The following LUZP2 variants were observed in gnomAD, a reference collection of about 807,000 sequenced individuals.
The protein encoded by LUZP2 is leucine zipper protein 2.
In LUZP2, 52 loss-of-function variants were observed where a neutral mutation model predicts 51.6. The observed-to-expected ratio is 1.01, with a 90% CI of 0.81 to 1.27. The LOEUF (loss-of-function observed/expected upper bound fraction) is 1.27, where lower values mean the gene tolerates loss of function less well. LUZP2 is among the 50% of genes most tolerant of loss of function. The pLI is 0.00. For missense variants in LUZP2, 436 were observed against 395.4 expected, an observed-to-expected ratio of 1.10 and a Z score of -0.87; for synonymous variants, 154 against 137.3, an observed-to-expected ratio of 1.12 and a Z score of -0.85.
chr11:24,642,380 G>A (rs1855319629), intron 1 of LUZP2, among the ~76,000 whole-genome samples: 1 of 151,234 alleles, frequency 6.6e-6, no homozygotes, highest in African/African-American at 2.4e-5. Flanking sequence ...CAAATTCATT[G>A]TATCATGTGT....
rs1020584082 is a variant in LUZP2, at chr11:24,564,661, T to A, written c.62+67356T>A. Among the ~76,000 whole-genome samples, 4 of 152,266 alleles carry A rather than the reference T, an allele frequency of 2.6e-5. No individual in the cohort carries two copies. In the East Asian group the frequency reaches 7.7e-4, roughly 29 times the overall value. On this transcript the variant is annotated intron_variant, in intron 1 of 11. Coordinates refer to ENST00000336930, the MANE Select transcript of LUZP2 (RefSeq NM_001009909.4). ...TCAGTCTCATTTATCTAGAAGCTAC[T>A]GTTGATAAAGTGTTTGAGGGGAACA...
intron 5 of LUZP2, among the ~76,000 whole-genome samples, chr11:24,879,671 G>C (rs2134289208): frequency 6.6e-6 from 1 of 152,280 alleles, no homozygotes; most frequent in Middle Eastern, 3.4e-3. Context: ...AATGATAAGT[G>C]ATGTTGAGCT....
At chr11:24,839,435 T>A (rs1850957374) in intron 5 of LUZP2, among the ~76,000 whole-genome samples, 1 of 151,778 alleles carries the variant, frequency 6.6e-6, no homozygotes, top group East Asian at 1.9e-4. Context: ...TTGTAGTGAC[T>A]GAGATAGCAT....
rs147096680 is a variant in LUZP2, at chr11:24,965,698, T to C, written c.523-10893T>C. ...TAATACCTACTGTTTTGAAGAGAGG[T>C]TTAGGAAGAGAGTTTAAAGAAGGAA... is the stretch of plus-strand genomic sequence containing the variant. On this transcript the variant is annotated intron_variant, in intron 7 of 11. Transcript: ENST00000336930. 5.6e-3 allele frequency among the ~76,000 whole-genome samples: 857 copies of C among 151,788 alleles called. 37 individuals carry two copies. Among genetic ancestry groups the C allele is most frequent in the Admixed American group, 0.052 (793 of 15,236 alleles).
chr11:24,497,109 T>C lies in LUZP2; in HGVS notation c.-135T>C, dbSNP rs1349104569. On this transcript the variant is annotated 5_prime_UTR_variant, in exon 1 of 12. Transcript: ENST00000336930. ...TGCCTTCCCCAGGCGTCCGTTCGTG[T>C]GCCCGTCTCCGCCTTTCCGCCTCGG... The C allele has an allele frequency of 1.4e-6, 1 of 701,014 alleles. No individual in the cohort carries two copies. The highest frequency in any genetic ancestry group is 3.8e-5 in the Admixed American group (1 of 26,562). 43.4% of individuals were successfully genotyped at this position (701,014 alleles called of 1,614,324 possible).
intron 1 of LUZP2, among the ~76,000 whole-genome samples, chr11:24,644,310 A>C (rs942326572): frequency 6.6e-6 from 1 of 152,126 alleles, no homozygotes; most frequent in African/African-American, 2.4e-5. Flanking sequence ...GCTTTCAGTA[A>C]TGGCCTACAA....
At chr11:24,936,021 G>T (rs925472965) in intron 7 of LUZP2, among the ~76,000 whole-genome samples, 1 of 152,044 alleles carries the variant, frequency 6.6e-6, no homozygotes, top group African/African-American at 2.4e-5. Flanking sequence ...GAATTTATTT[G>T]ATTTATTTCA....
chr11:24,803,127 C>T (rs1849741661), intron 5 of LUZP2, among the ~76,000 whole-genome samples: 1 of 151,892 alleles, frequency 6.6e-6, no homozygotes, highest in African/African-American at 2.4e-5. Context: ...TTATGTTTGA[C>T]AAGGGATTAA....
At chr11:24,945,930 AT>A (rs1487101109) in intron 7 of LUZP2, among the ~76,000 whole-genome samples, 1 of 152,092 alleles carries the variant, frequency 6.6e-6, no homozygotes, top group African/African-American at 2.4e-5. Flanking sequence ...AATTGTCTTC[AT>A]CACAAAAAGA....
chr11:24,625,982 A>G (rs1316474124), intron 1 of LUZP2, among the ~76,000 whole-genome samples: 3 of 152,134 alleles, frequency 2.0e-5, no homozygotes, highest in African/African-American at 7.2e-5. Flanking sequence ...ATAGTTACCA[A>G]CTAGAGATTT....
At chr11:24,998,955 GCTGT>G (rs949016477) in intron 9 of LUZP2, among the ~76,000 whole-genome samples, 21 of 151,868 alleles carry the variant, frequency 1.4e-4, no homozygotes, top group African/African-American at 5.1e-4. Context: ...TGTGAAATTT[GCTGT>G]CTGTTAGAAG....
At chr11:24,841,063 G>A (rs1851013605) in intron 5 of LUZP2, among the ~76,000 whole-genome samples, 1 of 152,030 alleles carries the variant, frequency 6.6e-6, no homozygotes, top group African/African-American at 2.4e-5. Context: ...TGACTTTGGA[G>A]TAGTGTTATA....
intron 5 of LUZP2, among the ~76,000 whole-genome samples, chr11:24,798,018 A>T (rs1290477716): frequency 6.6e-6 from 1 of 152,156 alleles, no homozygotes; most frequent in African/African-American, 2.4e-5. Context: ...TTCCAAATAT[A>T]TAATAATCGA....
chr11:25,061,053 A>G (rs544331850), intron 10 of LUZP2, among the ~76,000 whole-genome samples: 9 of 146,844 alleles, frequency 6.1e-5, no homozygotes, highest in Admixed American at 4.0e-4. Context: ...ATCAAAGTCC[A>G]GGAGCTTCAA....
At chr11:24,836,732 A>G (rs1850870833) in intron 5 of LUZP2, among the ~76,000 whole-genome samples, 1 of 151,908 alleles carries the variant, frequency 6.6e-6, no homozygotes, top group Non-Finnish European at 1.5e-5. Context: ...AGGGCTTAGA[A>G]TGATTGAGGG....
At chr11:24,602,975 A>C (rs951744376) in intron 1 of LUZP2, among the ~76,000 whole-genome samples, 8 of 151,812 alleles carry the variant, frequency 5.3e-5, no homozygotes, top group African/African-American at 1.7e-4. Flanking sequence ...AATCTTTAAC[A>C]TTGGCAGAAT....
intron 5 of LUZP2, among the ~76,000 whole-genome samples, chr11:24,820,300 T>C (rs1455211004): frequency 3.9e-5 from 6 of 152,086 alleles, no homozygotes; most frequent in African/African-American, 1.2e-4. Context: ...GAGAAGAGCA[T>C]GTTTGACACT....
intron 1 of LUZP2, among the ~76,000 whole-genome samples, chr11:24,728,484 T>C (rs951338250): frequency 6.6e-6 from 1 of 152,008 alleles, no homozygotes; most frequent in African/African-American, 2.4e-5. Flanking sequence ...AACAGTCACC[T>C]GTTTTCCTGT....
intron 5 of LUZP2, among the ~76,000 whole-genome samples, chr11:24,835,043 T>A (rs1850819865): frequency 6.6e-6 from 1 of 152,080 alleles, no homozygotes; most frequent in Admixed American, 6.6e-5. Context: ...ATTCTGTAGG[T>A]TGCCTGTTCA....
Sources: gnomAD v4.1 joint callset for allele counts (sites outside exome capture counted in the v4.1 genomes callset) on GRCh38, gnomAD v4.1.1 for gene constraint, MANE v1.5 for transcripts, NCBI Gene and HGNC (gene_info 2026-07-23, HGNC 2026-07-21) for gene names.